Variants in SLC4A4 observed in about 807,000 individuals in gnomAD.
SLC4A4 encodes electrogenic sodium bicarbonate cotransporter 1.
SLC4A4 carries 27 observed loss-of-function variants against 111.5 expected under a neutral mutation model. The ratio of observed to expected loss-of-function variants is 0.24; its 90% confidence interval spans 0.18 to 0.33. The LOEUF (loss-of-function observed/expected upper bound fraction) is 0.33. Ranked by LOEUF, SLC4A4 falls within the 10% of genes least tolerant of loss-of-function variation. SLC4A4 has a pLI of 1.00. For missense variants in SLC4A4, 909 were observed against 1,315.5 expected (o/e 0.69, Z 4.78); for synonymous variants, 443 against 463.4 (o/e 0.96, Z 0.57).
At chr4:71,187,449 C>T (rs949386202) in intron 1 of SLC4A4, 48 bp downstream of exon 1, 2 of 152,200 alleles carry the variant, frequency 1.3e-5, no homozygotes, top group African/African-American at 2.4e-5. Context: ...TGGGGTCCCT[C>T]GCTCCAAGGC....
rs966677252 is a variant in SLC4A4, at chr4:71,064,970, C to A, written c.-65+2182C>A. 5.3e-5 allele frequency among the ~76,000 whole-genome samples: 8 copies of A among 152,270 alleles called. No homozygotes were observed. The East Asian group carries it at 1.5e-3, about 29-fold the overall frequency. ...AACTTGTTTTTCTGTTTATTGCCTC[C>A]TCTTCTGCCAACAAAAATATAAGAT... On this transcript the variant is annotated intron_variant, in intron 1 of 26. Coordinates refer to the SLC4A4 transcript ENST00000649996.
chr4:71,406,411 T>C (rs1443710769), intron 7 of SLC4A4, among the ~76,000 whole-genome samples: 1 of 152,104 alleles, frequency 6.6e-6, no homozygotes. Flanking sequence ...AGTAAGTTTA[T>C]GAAGAGGTCA....
chr4:71,065,185 G>C (rs535690453), intron 1 of SLC4A4, among the ~76,000 whole-genome samples: 1 of 152,262 alleles, frequency 6.6e-6, no homozygotes, highest in South Asian at 2.1e-4. Flanking sequence ...TTTTTGTCAT[G>C]AGCCATCCTT....
chr4:71,351,405 T>A (rs1294910694), intron 5 of SLC4A4, among the ~76,000 whole-genome samples: 5 of 152,200 alleles, frequency 3.3e-5, no homozygotes, highest in African/African-American at 1.2e-4. Flanking sequence ...TCAGTGCAAG[T>A]CTAAGATCAA....
intron 6 of SLC4A4, among the ~76,000 whole-genome samples, chr4:71,374,722 G>A (rs1231427756): frequency 6.6e-6 from 1 of 151,700 alleles, no homozygotes; most frequent in Non-Finnish European, 1.5e-5. Context: ...CTGGGGACTT[G>A]GAGGAGATTT....
chr4:71,157,705 G>GT (rs1240973214), intron 2 of SLC4A4, among the ~76,000 whole-genome samples: 2 of 152,088 alleles, frequency 1.3e-5, no homozygotes, highest in African/African-American at 2.4e-5. Context: ...TTTGGATTTT[G>GT]TGTACCTTAG....
intron 1 of SLC4A4, among the ~76,000 whole-genome samples, chr4:71,229,004 A>G (rs1394732375): frequency 7.9e-5 from 12 of 152,206 alleles, no homozygotes. Context: ...ATCCACAGAT[A>G]AGATACTGAA....
chr4:71,347,513 T>G (rs905437492), intron 4 of SLC4A4, among the ~76,000 whole-genome samples: 1 of 152,108 alleles, frequency 6.6e-6, no homozygotes, highest in Admixed American at 6.6e-5. Flanking sequence ...AGGGGCTAGA[T>G]AGCTGTCTGG....
rs1737638470 is a variant in SLC4A4, at chr4:71,567,862, G to A, written c.*111G>A. The A allele has an allele frequency of 6.5e-7, 1 of 1,535,436 alleles. No individual in the cohort carries two copies. The highest frequency in any genetic ancestry group is 8.8e-7 in the Non-Finnish European group (1 of 1,136,492). ...GAACCTGAAGACAATGATTATTTCT[G>A]GAGGAGCAAGGGAACAGAAACTACA... is the stretch of plus-strand genomic sequence containing the variant. On this transcript the variant is annotated 3_prime_UTR_variant, in exon 26 of 26. Transcript: ENST00000264485.
At chr4:71,109,527 T>C (rs1302546239) in intron 2 of SLC4A4, among the ~76,000 whole-genome samples, 1 of 151,826 alleles carries the variant, frequency 6.6e-6, no homozygotes, top group Non-Finnish European at 1.5e-5. Flanking sequence ...CAGGGTCCTT[T>C]ATTTTTATTT....
intron 16 of SLC4A4, among the ~76,000 whole-genome samples, chr4:71,526,780 C>T (rs1385110173): frequency 6.6e-6 from 1 of 152,026 alleles, no homozygotes; most frequent in African/African-American, 2.4e-5. Flanking sequence ...GGACTGCATT[C>T]CTTCTCGAGG....
intron 16 of SLC4A4, among the ~76,000 whole-genome samples, chr4:71,527,682 C>T (rs931225875): frequency 2.7e-5 from 4 of 148,892 alleles, no homozygotes; most frequent in Admixed American, 2.0e-4. Flanking sequence ...GTGTATTTCC[C>T]TTCTCCTCTT....
intron 2 of SLC4A4, among the ~76,000 whole-genome samples, chr4:71,239,468 G>T (rs1220331528): frequency 1.3e-5 from 2 of 152,116 alleles, no homozygotes; most frequent in African/African-American, 2.4e-5. Context: ...TAGTTGCTTC[G>T]AATGCTGTGG....
At chr4:71,446,092 G>A (rs1028610579) in intron 8 of SLC4A4, among the ~76,000 whole-genome samples, 3 of 151,884 alleles carry the variant, frequency 2.0e-5, no homozygotes, top group Non-Finnish European at 4.4e-5. Context: ...TGGTTATTCT[G>A]GTATAAAACC....
chr4:71,156,574 G>GCA lies in SLC4A4; in HGVS notation c.-2+63783_-2+63784insAC, dbSNP rs1491291113. Among the ~76,000 whole-genome samples the GCA allele has an allele frequency of 3.3e-4, 25 of 75,990 alleles. 1 individual carries two copies. The highest frequency in any genetic ancestry group is 1.6e-4 in the Admixed American group (1 of 6,382). 49.9% of individuals were successfully genotyped at this position (75,990 alleles called of 152,430 possible). On this transcript the variant is annotated intron_variant, in intron 2 of 26. Transcript: ENST00000649996. ...TGTCCAAATAAGTGTGTGCGCGCAT[G>GCA]CGCGCGCGCGCGCGCACACACACAC... is the stretch of plus-strand genomic sequence containing the variant.
chr4:71,277,515 T>TTTCCTTCC (rs777893932), intron 3 of SLC4A4, among the ~76,000 whole-genome samples: 1 of 151,668 alleles, frequency 6.6e-6, no homozygotes, highest in Non-Finnish European at 1.5e-5. Flanking sequence ...TTCCTTCCCT[T>TTTCCTTCC]TTCCTTCCTT....
intron 16 of SLC4A4, among the ~76,000 whole-genome samples, chr4:71,500,535 TG>T (rs1730820178): frequency 6.6e-6 from 1 of 152,190 alleles, no homozygotes. Flanking sequence ...TTGGCCAGGC[TG>T]GTCTTGAACT....
At chr4:71,346,900 G>A (rs1354356634) in intron 4 of SLC4A4, among the ~76,000 whole-genome samples, 2 of 152,030 alleles carry the variant, frequency 1.3e-5, no homozygotes, top group African/African-American at 2.4e-5. Context: ...TGTAAGCTGT[G>A]CTGTAATATG....
chr4:71,082,663 T>C (rs1335378574), intron 1 of SLC4A4, among the ~76,000 whole-genome samples: 1 of 152,038 alleles, frequency 6.6e-6, no homozygotes, highest in African/African-American at 2.4e-5. Flanking sequence ...ACCACTTACA[T>C]TTAGTAAATG....
Sources: gnomAD v4.1 joint callset for allele counts (sites outside exome capture counted in the v4.1 genomes callset) on GRCh38, gnomAD v4.1.1 for gene constraint, MANE v1.5 for transcripts, NCBI Gene and HGNC (gene_info 2026-07-23, HGNC 2026-07-21) for gene names.